The following PHACTR4 variants were observed in gnomAD, a reference collection of about 807,000 sequenced individuals.
PHACTR4 encodes phosphatase and actin regulator 4.
In PHACTR4, 51 loss-of-function variants were observed where a neutral mutation model predicts 72.7. That is an observed-to-expected ratio of 0.70 (90% confidence interval 0.56 to 0.89). PHACTR4 has a LOEUF of 0.89. Ranked by LOEUF, PHACTR4 falls within the 40% of genes least tolerant of loss-of-function variation. The probability of loss-of-function intolerance (pLI) is 0.00; values close to 1 mark genes in which losing one functional copy is unlikely to be tolerated. For synonymous variants in PHACTR4, 255 were observed against 302.5 expected (o/e 0.84, Z 1.63); for missense variants, 731 against 861.8 (o/e 0.85, Z 1.90).
Position 28,473,534 on chromosome 1 carries a change from T to C in PHACTR4, c.824-20T>C, listed in dbSNP as rs759635641. 14 of 1,546,288 alleles carry C rather than the reference T, an allele frequency of 9.1e-6. No homozygotes were observed. The highest frequency in any genetic ancestry group is 1.2e-5 in the Non-Finnish European group (13 of 1,128,142). On this transcript the variant is annotated intron_variant, in intron 6 of 13. Transcript: ENST00000373839. ...GCATTGGAAAGTCGTGAAATTGATG[T>C]GTTGCTCTCTCTTTTCCAGCTGAAC...
intron 8 of PHACTR4, among the ~76,000 whole-genome samples, chr1:28,477,238 A>G (rs2124514309): frequency 6.6e-6 from 1 of 151,988 alleles, no homozygotes; most frequent in East Asian, 1.9e-4. Context: ...GGCGTCTGCC[A>G]CTAGGCCCAG....
At chr1:28,437,260 G>A (rs1374752220) in intron 2 of PHACTR4, among the ~76,000 whole-genome samples, 1 of 151,996 alleles carries the variant, frequency 6.6e-6, no homozygotes, top group Non-Finnish European at 1.5e-5. Flanking sequence ...ACAGGGTCTT[G>A]CATTGTTGCC....
chr1:28,420,701 A>G (rs569926400), intron 2 of PHACTR4, among the ~76,000 whole-genome samples: 31 of 152,306 alleles, frequency 2.0e-4, no homozygotes, highest in Middle Eastern at 6.8e-3. Context: ...AACAACCCAA[A>G]TTATAAAATA....
chr1:28,414,908 G>A (rs1411177195), intron 2 of PHACTR4, among the ~76,000 whole-genome samples: 1 of 151,988 alleles, frequency 6.6e-6, no homozygotes, highest in Non-Finnish European at 1.5e-5. Flanking sequence ...TCAGAGACCT[G>A]GATAAAATAC....
At chr1:28,481,788 TAAA>T (rs879306959) in intron 9 of PHACTR4, among the ~76,000 whole-genome samples, 4 of 118,498 alleles carry the variant, frequency 3.4e-5, no homozygotes, top group Admixed American at 8.8e-5. Context: ...AGACTCCATC[TAAA>T]AAAAAAAAAA....
rs998637687 is a variant in PHACTR4, at chr1:28,495,825, C to G, written c.2094-709C>G. 2.4e-4 allele frequency among the ~76,000 whole-genome samples: 37 copies of G among 151,900 alleles called. 1 individual carries two copies. The highest frequency in any genetic ancestry group is 2.2e-3 in the Admixed American group (34 of 15,234). On this transcript the variant is annotated intron_variant, in intron 13 of 13. Coordinates refer to ENST00000373839, the MANE Select transcript of PHACTR4 (RefSeq NM_001048183.3). ...AGAGACAGGGTCTCCGTATGTTGCC[C>G]AGGCTGCTCTCAAACTCCTGGTCTC...
At chr1:28,388,425 T>C (rs748703123) in intron 1 of PHACTR4, among the ~76,000 whole-genome samples, 1 of 152,194 alleles carries the variant, frequency 6.6e-6, no homozygotes, top group Non-Finnish European at 1.5e-5. Flanking sequence ...GTATGGTCAA[T>C]TGATTTTCGA....
chr1:28,490,123 A>G (rs536624832), intron 10 of PHACTR4, among the ~76,000 whole-genome samples: 1 of 152,348 alleles, frequency 6.6e-6, no homozygotes, highest in Non-Finnish European at 1.5e-5. Context: ...AAAAATGTGA[A>G]GACTATTCTT....
chr1:28,473,131 C>T (rs1158925111), intron 6 of PHACTR4, among the ~76,000 whole-genome samples: 2 of 151,618 alleles, frequency 1.3e-5, no homozygotes, highest in African/African-American at 2.4e-5. Flanking sequence ...AAAAATTAGC[C>T]GGGCCGTAGT....
intron 2 of PHACTR4, among the ~76,000 whole-genome samples, chr1:28,440,138 A>G (rs1226042096): frequency 6.6e-6 from 1 of 151,496 alleles, no homozygotes; most frequent in Non-Finnish European, 1.5e-5. Flanking sequence ...CGTCTCTACT[A>G]AAAATACAAA....
At chr1:28,421,432 T>C (rs1655506949) in intron 2 of PHACTR4, among the ~76,000 whole-genome samples, 2 of 152,038 alleles carry the variant, frequency 1.3e-5, no homozygotes, top group South Asian at 4.1e-4. Flanking sequence ...CAGTGTTTTA[T>C]CTTGCGGTAG....
chr1:28,473,832 G>A lies in PHACTR4; in HGVS notation c.1102G>A (p.Val368Ile), dbSNP rs201589186. The change falls in exon 7 of 14, where the codon GTT becomes ATT. Residue 368 changes from valine to isoleucine, a missense_variant. By Grantham distance (29) the Val-to-Ile change is conservative. Coordinates refer to ENST00000373839, the MANE Select transcript of PHACTR4 (RefSeq NM_001048183.3). ...TCCATTCCCTGCTAAGACTTTTCAA[G>A]TTGTGCCAGAAATTGAGTTTCCACC... is the stretch of plus-strand genomic sequence containing the variant. ...TPPFPAKTFQ[V>I]VPEIEFPPSL... The A allele has an allele frequency of 6.8e-6, 11 of 1,613,926 alleles. No homozygotes were observed. The Admixed American group carries it at 1.5e-4, about 22-fold the overall frequency.
At chr1:28,470,402 A>AT (rs1260490859) in intron 6 of PHACTR4, among the ~76,000 whole-genome samples, 1 of 152,008 alleles carries the variant, frequency 6.6e-6, no homozygotes, top group Non-Finnish European at 1.5e-5. Flanking sequence ...CTAAAAAAAA[A>AT]GAAAAGGCTA....
chr1:28,416,991 G>A (rs1489495196), intron 2 of PHACTR4, among the ~76,000 whole-genome samples: 1 of 151,470 alleles, frequency 6.6e-6, no homozygotes. Context: ...GAATTACCTT[G>A]ACACCCTGTT....
chr1:28,443,529 C>T (rs938016564), intron 2 of PHACTR4, among the ~76,000 whole-genome samples: 23 of 151,902 alleles, frequency 1.5e-4, no homozygotes, highest in African/African-American at 5.3e-4. Context: ...CTCACTGCAG[C>T]TTCAGCCTCC....
rs538064067 is a variant in PHACTR4, at chr1:28,455,144, A to C, written c.17-3941A>C. Among the ~76,000 whole-genome samples the C allele has an allele frequency of 8.6e-5, 13 of 150,882 alleles. 1 individual carries two copies. The East Asian group carries it at 2.3e-3, about 27-fold the overall frequency. On this transcript the variant is annotated intron_variant, in intron 2 of 13. Transcript: ENST00000373839. ...CTCGGCCTCCCAAAGTGTTGGGATT[A>C]CAGGCATGAGCCACCGCATCTGGCC...
intron 13 of PHACTR4, among the ~76,000 whole-genome samples, chr1:28,495,537 G>A (rs1302021883): frequency 6.6e-6 from 1 of 152,070 alleles, no homozygotes; most frequent in African/African-American, 2.4e-5. Context: ...CTAGAATCCA[G>A]AAAGAAAGCA....
intron 2 of PHACTR4, among the ~76,000 whole-genome samples, chr1:28,458,106 G>GTT (rs398049175): frequency 9.9e-6 from 1 of 101,074 alleles, no homozygotes; most frequent in Admixed American, 9.6e-5. Flanking sequence ...TGGTGTGTGT[G>GTT]TTTGTGTGTG....
rs374847517 is a variant in PHACTR4 at position 28,490,944 on chromosome 1, A to C, written c.1817-7A>C. The stretch of plus-strand genomic sequence containing the variant: ...TAATATTCCTTCCTTCTGATTGTCA[A>C]CTGTAGCTAAAAATGAAGCTGATCG... On this transcript the variant is annotated splice_region_variant and splice_polypyrimidine_tract_variant and intron_variant, in intron 10 of 13. Coordinates refer to ENST00000373839, the MANE Select transcript of PHACTR4 (RefSeq NM_001048183.3). 7 of 1,613,230 alleles carry C rather than the reference A, an allele frequency of 4.3e-6. No individual in the cohort carries two copies. In the African/African-American group the frequency reaches 8.0e-5, roughly 18 times the overall value.
Sources: gnomAD v4.1 joint callset for allele counts (sites outside exome capture counted in the v4.1 genomes callset) on GRCh38, gnomAD v4.1.1 for gene constraint, MANE v1.5 for transcripts, NCBI Gene and HGNC (gene_info 2026-07-23, HGNC 2026-07-21) for gene names.